Variants in CDIP1 observed in about 807,000 individuals in gnomAD.
CDIP1 encodes cell death-inducing p53-target protein 1.
CDIP1 carries 9 observed loss-of-function variants against 17.7 expected under a neutral mutation model. The observed-to-expected ratio is 0.51, with a 90% CI of 0.31 to 0.89. CDIP1 has a LOEUF of 0.89. CDIP1 is among the 40% of genes least tolerant of loss of function. The pLI, the probability that CDIP1 is intolerant of heterozygous loss-of-function variation, is 0.05. For missense variants in CDIP1, 263 were observed against 277.9 expected, an observed-to-expected ratio of 0.95 and a Z score of 0.38; for synonymous variants, 117 against 109.5, an observed-to-expected ratio of 1.07 and a Z score of -0.43.
intron 1 of CDIP1, among the ~76,000 whole-genome samples, chr16:4,528,523 A>G (rs185350407): frequency 7.9e-4 from 120 of 152,136 alleles, no homozygotes; most frequent in Non-Finnish European, 1.4e-3. Context: ...CTTCCTCAAA[A>G]TGCTCATTAT....
At position 4,510,699 on chromosome 16, in the gene CDIP1, A is replaced by G. The variant is rs895209677; in HGVS notation, c.*1873T>C. On this transcript the variant is annotated 3_prime_UTR_variant, in exon 6 of 6. Coordinates refer to ENST00000567695, the MANE Select transcript of CDIP1 (RefSeq NM_013399.3). ...ATTTAAACAATTCATTCTCTAAAAG[A>G]GAAACATGAACTTAAATAATTTTAT... 6.6e-6 allele frequency: 1 copy of G among 152,214 alleles called. No homozygotes were observed. The highest frequency in any genetic ancestry group is 1.5e-5 in the Non-Finnish European group (1 of 68,038). The allele number at this position is 152,214 out of a possible 1,614,324, so 9.4% of individuals were successfully genotyped here. A position where few individuals can be genotyped will look rare whatever the true frequency, so the allele number is the denominator to read the frequency against.
At chr16:4,525,039 T>C (rs2058985971) in intron 1 of CDIP1, among the ~76,000 whole-genome samples, 1 of 152,084 alleles carries the variant, frequency 6.6e-6, no homozygotes, top group Admixed American at 6.5e-5. Context: ...GATTCTAGGC[T>C]ACAAAGAGCT....
chr16:4,513,636 C>T lies in CDIP1; in HGVS notation c.241+60G>A, dbSNP rs1250226616. The stretch of plus-strand genomic sequence containing the variant: ...GCCCACCTGTACTGAGGACAGCCAG[C>T]GCAGGCCAGACAGCAGCCAGGAGTT... On this transcript the variant is annotated intron_variant, in intron 4 of 5. Coordinates refer to ENST00000567695, the MANE Select transcript of CDIP1 (RefSeq NM_013399.3). This position sits in a 1 kb window ranked among gnomAD's most constrained non-coding sequence, Gnocchi z 4.1. 7 of 1,483,898 alleles carry T rather than the reference C, an allele frequency of 4.7e-6. No homozygotes were observed. The highest frequency in any genetic ancestry group is 2.8e-6 in the Non-Finnish European group (3 of 1,074,248). 91.9% of individuals were successfully genotyped at this position (1,483,898 alleles called of 1,614,324 possible).
chr16:4,517,329 C>T (rs1458693773), intron 1 of CDIP1, among the ~76,000 whole-genome samples: 1 of 152,198 alleles, frequency 6.6e-6, no homozygotes, highest in Non-Finnish European at 1.5e-5. Flanking sequence ...TTATTATCCA[C>T]AGAAGACATG....
rs148411586 is a variant in CDIP1 at position 4,512,547 on chromosome 16, G to A, written c.*25C>T. On this transcript the variant is annotated 3_prime_UTR_variant, in exon 6 of 6. Coordinates refer to ENST00000567695, the MANE Select transcript of CDIP1 (RefSeq NM_013399.3). The surrounding 1 kb of genome is among the most constrained non-coding windows in gnomAD (Gnocchi z 4.6). ...AGCACAGGGGGCCAGACTGACAGGC[G>A]GGGGAGTCCCGAGTCCCAGCTCCGT... is the stretch of plus-strand genomic sequence containing the variant. The A allele has an allele frequency of 2.6e-6, 4 of 1,528,370 alleles. No individual in the cohort carries two copies. The highest frequency in any genetic ancestry group is 2.3e-5 in the East Asian group (1 of 44,404). The allele number at this position is 1,528,370 out of a possible 1,614,324, so 94.7% of individuals were successfully genotyped here.
intron 1 of CDIP1, among the ~76,000 whole-genome samples, chr16:4,521,669 C>A (rs28430971): frequency 0.012 from 1,752 of 149,096 alleles, 40 homozygotes; most frequent in African/African-American, 0.042. Flanking sequence ...TCGAAACCAG[C>A]CTGGACAACA....
intron 1 of CDIP1, among the ~76,000 whole-genome samples, chr16:4,521,700 TAAA>T (rs111828421): frequency 5.5e-5 from 5 of 90,566 alleles, no homozygotes; most frequent in Non-Finnish European, 4.5e-5. Flanking sequence ...TCATCAATAT[TAAA>T]AAAAAAAAAA....
chr16:4,522,724 C>G (rs1259808386), intron 1 of CDIP1, among the ~76,000 whole-genome samples: 2 of 152,198 alleles, frequency 1.3e-5, no homozygotes, highest in Admixed American at 1.3e-4. Context: ...CAGAAGCAAG[C>G]AGGAGCTCAC....
intron 1 of CDIP1, among the ~76,000 whole-genome samples, chr16:4,525,668 C>A (rs143162842): frequency 3.3e-5 from 5 of 152,220 alleles, no homozygotes; most frequent in African/African-American, 9.6e-5. Flanking sequence ...CTATTCCCAA[C>A]GCTGGGTGAT....
rs572455002 is a variant in CDIP1 at position 4,533,612 on chromosome 16, C to T, written c.-105+5090G>A. 4 of 152,404 alleles carry T rather than the reference C, an allele frequency of 2.6e-5. No individual in the cohort carries two copies. In the East Asian group the frequency reaches 7.7e-4, roughly 29 times the overall value. 9.4% of individuals were successfully genotyped at this position (152,404 alleles called of 1,614,324 possible). A position where few individuals can be genotyped will look rare whatever the true frequency, so the allele number is the denominator to read the frequency against. On this transcript the variant is annotated intron_variant, in intron 1 of 5. Coordinates refer to ENST00000567695, the MANE Select transcript of CDIP1 (RefSeq NM_013399.3). ...CAGATCCACTATCTCATCTAACAGT[C>T]AAGGGTGACAGGGAAGAGTCTGGAC...
intron 1 of CDIP1, among the ~76,000 whole-genome samples, chr16:4,531,860 T>C (rs962563080): frequency 3.9e-5 from 6 of 152,242 alleles, no homozygotes; most frequent in African/African-American, 1.4e-4. Flanking sequence ...TTCACATGCG[T>C]TCCATTTACA....
rs763620086 is a variant in CDIP1 at position 4,513,018 on chromosome 16, G to A, written c.288C>T (p.Pro96=). The A allele has an allele frequency of 1.3e-5, 21 of 1,593,816 alleles. No homozygotes were observed. Among genetic ancestry groups the A allele is most frequent in the Non-Finnish European group, 1.8e-5 (21 of 1,172,140 alleles). Residue 96 remains proline (P), a synonymous_variant, in exon 5 of 6, where the codon CCC becomes CCT. Transcript: ENST00000567695. This position sits in a 1 kb window ranked among gnomAD's most constrained non-coding sequence, Gnocchi z 4.1. ...PGPHPPMGYY[P]PGPYTPGPYP... ...AGGGCCCTGGCGTGTAGGGCCCTGG[G>A]GGGTAGTAGCCCATGGGTGGGTGGG... is the stretch of plus-strand genomic sequence containing the variant.
At chr16:4,537,419 C>T (rs1434417174) in intron 1 of CDIP1, among the ~76,000 whole-genome samples, 1 of 152,156 alleles carries the variant, frequency 6.6e-6, no homozygotes, top group Admixed American at 6.5e-5. Context: ...AGAGCTGGCA[C>T]GCCTCCCTCC....
At position 4,511,153 on chromosome 16, in the gene CDIP1, T is replaced by C. The variant is rs1260040708; in HGVS notation, c.*1419A>G. Reference sequence around the variant, plus strand: ...TGGTCTACACCCGACTCTGGTTTGGTTTAATTAGGTCCTTACGTGTTGGTG... The same window carrying C: ...TGGTCTACACCCGACTCTGGTTTGGCTTAATTAGGTCCTTACGTGTTGGTG... On this transcript the variant is annotated 3_prime_UTR_variant, in exon 6 of 6. Coordinates refer to ENST00000567695, the MANE Select transcript of CDIP1 (RefSeq NM_013399.3). 6.6e-6 allele frequency: 1 copy of C among 152,172 alleles called. No individual in the cohort carries two copies. The highest frequency in any genetic ancestry group is 6.6e-5 in the Admixed American group (1 of 15,260). 9.4% of individuals were successfully genotyped at this position (152,172 alleles called of 1,614,324 possible).
intron 1 of CDIP1, among the ~76,000 whole-genome samples, chr16:4,515,550 C>T (rs942173038): frequency 5.9e-5 from 9 of 152,112 alleles, no homozygotes; most frequent in Admixed American, 1.3e-4. Flanking sequence ...TGATAAAGGA[C>T]TTGTATTAAG....
chr16:4,513,448 T>TC lies in CDIP1; in HGVS notation c.241+247dup, dbSNP rs1023805429. Among the ~76,000 whole-genome samples, 2 of 151,116 alleles carry TC rather than the reference T, an allele frequency of 1.3e-5. No homozygotes were observed. Among genetic ancestry groups the TC allele is most frequent in the Non-Finnish European group, 3.0e-5 (2 of 67,788 alleles). ...CCCTCTCCTGCACACAAGGCGCCCC[T>TC]CCCCACCCATGTCAGGTCCTGGTGT... On this transcript the variant is annotated intron_variant, in intron 4 of 5. Coordinates refer to ENST00000567695, the MANE Select transcript of CDIP1 (RefSeq NM_013399.3). This position sits in a 1 kb window ranked among gnomAD's most constrained non-coding sequence, Gnocchi z 4.1.
rs1291302790 is a variant in CDIP1 at position 4,526,402 on chromosome 16, C to T, written c.-104-11738G>A. Among the ~76,000 whole-genome samples, 8 of 151,152 alleles carry T rather than the reference C, an allele frequency of 5.3e-5. No individual in the cohort carries two copies. The Middle Eastern group carries it at 0.021, about 388-fold the overall frequency. On this transcript the variant is annotated intron_variant, in intron 1 of 5. Transcript: ENST00000567695. ...CCCGGGCAATAGTCTGAGAATCTGT[C>T]TCAAAATATAAAAAATAGCTGGTCA...
Position 4,527,896 on chromosome 16 carries a change from G to A in CDIP1, c.-105+10806C>T, listed in dbSNP as rs1362894860. The stretch of plus-strand genomic sequence containing the variant: ...CAATGGTGCAGTCTAGGCTCACTGC[G>A]ACCTCCGCCTCCCGGGTTCAAGTAA... On this transcript the variant is annotated intron_variant, in intron 1 of 5. Coordinates refer to ENST00000567695, the MANE Select transcript of CDIP1 (RefSeq NM_013399.3). Among the ~76,000 whole-genome samples the A allele has an allele frequency of 5.3e-5, 8 of 151,894 alleles. No homozygotes were observed. The South Asian group carries it at 1.2e-3, about 24-fold the overall frequency.
At position 4,511,545 on chromosome 16, in the gene CDIP1, G is replaced by A. The variant is rs927864185; in HGVS notation, c.*1027C>T. ...TACCACTTGTGGCTGCTCCTTCCTC[G>A]TCCCTAGCCCAGTGTGCCTGCAGGA... On this transcript the variant is annotated 3_prime_UTR_variant, in exon 6 of 6. Transcript: ENST00000567695. 2.6e-5 allele frequency: 4 copies of A among 152,370 alleles called. No homozygotes were observed. Among genetic ancestry groups the A allele is most frequent in the African/African-American group, 4.8e-5 (2 of 41,454 alleles). The allele number at this position is 152,370 out of a possible 1,614,324, so 9.4% of individuals were successfully genotyped here.
Sources: allele counts gnomAD v4.1 joint callset (sites outside exome capture counted in the v4.1 genomes callset), GRCh38; gene constraint gnomAD v4.1.1; non-coding constraint Gnocchi (gnomAD v3.1); transcripts MANE v1.5; gene names NCBI Gene and HGNC (gene_info 2026-07-23, HGNC 2026-07-21).